PROM1: variants seen among roughly 807,000 people sequenced by gnomAD.
PROM1 encodes the protein prominin 1, also known as prominin-1.
In PROM1, 105 loss-of-function variants were observed where a neutral mutation model predicts 116.9. The ratio of observed to expected loss-of-function variants is 0.90; its 90% CI spans 0.77 to 1.06. The LOEUF is 1.06. Among genes scored for constraint, PROM1 ranks in the 50% least tolerant of loss-of-function variants. The probability of loss-of-function intolerance (pLI) is 0.00; values close to 1 mark genes in which losing one functional copy is unlikely to be tolerated. For synonymous variants in PROM1, 393 were observed against 387.0 expected (o/e 1.02, Z -0.18); for missense variants, 1,122 against 1,045.2 (o/e 1.07, Z -1.01).
At chr4:15,979,936 AT>A (rs1717334859) in intron 24 of PROM1, 32 bp from the exon 25 acceptor site, 4 of 1,271,836 alleles carry the variant, frequency 3.1e-6, no homozygotes, top group Middle Eastern at 1.9e-4. Flanking sequence ...GATAAAATTA[AT>A]TTTTTTAATT....
intron 2 of PROM1, among the ~76,000 whole-genome samples, chr4:16,052,672 G>A (rs1400199107): frequency 6.6e-6 from 1 of 152,178 alleles, no homozygotes; most frequent in African/African-American, 2.4e-5. Flanking sequence ...CTAGAAACGA[G>A]GCTTTGCCGT....
intron 2 of PROM1, among the ~76,000 whole-genome samples, chr4:16,056,666 G>A (rs1047636692): frequency 1.7e-4 from 26 of 151,810 alleles, no homozygotes; most frequent in African/African-American, 5.3e-4. Flanking sequence ...AAAAAAAATC[G>A]AAAGAAGAAA....
intron 2 of PROM1, among the ~76,000 whole-genome samples, chr4:16,069,964 G>A (rs1742432230): frequency 6.6e-6 from 1 of 152,190 alleles, no homozygotes; most frequent in East Asian, 1.9e-4. Context: ...GGCCACCTGC[G>A]ATTGGCTGAA....
At chr4:16,030,532 T>C (rs1224357970) in intron 5 of PROM1, among the ~76,000 whole-genome samples, 3 of 152,172 alleles carry the variant, frequency 2.0e-5, no homozygotes, top group Admixed American at 6.5e-5. Context: ...AAAACATATA[T>C]TGATTTGATA....
Position 16,024,049 on chromosome 4 carries a change from AAT to A in PROM1, c.694+244_694+245del, listed in dbSNP as rs1378670547. 4.6e-5 allele frequency among the ~76,000 whole-genome samples: 7 copies of A among 152,346 alleles called. No individual in the cohort carries two copies. The East Asian group carries it at 1.3e-3, about 29-fold the overall frequency. ...GAGAATGAGAGCTTGTGACTGCAAG[AAT>A]GCTAAAGCTTTCCAGTAAGTGTAAA... On this transcript the variant is annotated intron_variant, in intron 7 of 27. Transcript: ENST00000447510.
In PROM1 at chr4:16,016,155, C is replaced by T. The variant is rs1285077805; in HGVS notation, c.1077+11G>A. On this transcript the variant is annotated intron_variant, in intron 10 of 27. Transcript: ENST00000447510. ...ATAAAATCAGTGATTGTATTTTTTCCAAAAGCATACCTGTTGGACCAGGCC... is the reference window on the plus strand; with the variant it reads ...ATAAAATCAGTGATTGTATTTTTTCTAAAAGCATACCTGTTGGACCAGGCC... The T allele has an allele frequency of 2.6e-6, 4 of 1,548,906 alleles. No individual in the cohort carries two copies. Among genetic ancestry groups the T allele is most frequent in the Non-Finnish European group, 3.5e-6 (4 of 1,144,918 alleles).
At chr4:15,970,905 ATAAAATATCT>A in intron 27 of PROM1, 128 bp downstream of exon 27, 1 of 651,464 alleles carries the variant, frequency 1.5e-6, no homozygotes, top group Non-Finnish European at 2.6e-6. Flanking sequence ...GACTGGACAT[ATAAAATATCT>A]TGTCTAATAT....
In PROM1 at chr4:16,016,199, A is replaced by G. The variant is rs1399665646; in HGVS notation, c.1044T>C (p.Val348=). ...CCAGGCCATCCAAATCTGTCCTAAGAACGTTATTAACGTTGTCAAGTTCTG... is the reference window on the plus strand; with the variant it reads ...CCAGGCCATCCAAATCTGTCCTAAGGACGTTATTAACGTTGTCAAGTTCTG... The part of the protein sequence containing the change: ...VDAELDNVNN[V]LRTDLDGLVQ... The change falls in exon 10 of 28, where the codon GTT becomes GTC. Residue 348 remains valine (V), a synonymous_variant. Coordinates refer to ENST00000447510, the MANE Select transcript of PROM1 (RefSeq NM_006017.3). 2 of 1,554,592 alleles carry G rather than the reference A, an allele frequency of 1.3e-6. No homozygotes were observed. Among genetic ancestry groups the G allele is most frequent in the Admixed American group, 3.9e-5 (2 of 51,478 alleles).
At chr4:15,982,154 T>A (rs954985117) in intron 23 of PROM1, among the ~76,000 whole-genome samples, 4 of 152,170 alleles carry the variant, frequency 2.6e-5, no homozygotes, top group African/African-American at 9.7e-5. Context: ...TAAGTTCGAG[T>A]CTGACAATAT....
Position 15,979,901 on chromosome 4 carries a change from A to G in PROM1, c.2493T>C (p.Val831=). 7.1e-7 allele frequency: 1 copy of G among 1,415,578 alleles called. No individual in the cohort carries two copies. The highest frequency in any genetic ancestry group is 9.6e-7 in the Non-Finnish European group (1 of 1,041,898). 87.7% of individuals were successfully genotyped at this position (1,415,578 alleles called of 1,614,324 possible). A position where few individuals can be genotyped will look rare whatever the true frequency, so the allele number is the denominator to read the frequency against. Residue 831 remains valine, a synonymous_variant, in exon 25 of 28, where the codon GTT becomes GTC. Transcript: ENST00000447510. ...RMDSEDVYDD[V]ETIPMKNMEN... ...CTTACTTTTTCATGGGTATAGTTTC[A>G]ACACTATAAAATACAAAAAAGGGAG...
intron 20 of PROM1, among the ~76,000 whole-genome samples, chr4:15,986,506 G>A (rs896169100): frequency 6.6e-6 from 1 of 152,110 alleles, no homozygotes; most frequent in Non-Finnish European, 1.5e-5. Flanking sequence ...GTGCAAATTG[G>A]AAATGGGGCC....
intron 15 of PROM1, 29 bp from the exon 16 acceptor site, chr4:15,994,100 C>G (rs1721727317): frequency 6.2e-7 from 1 of 1,612,830 alleles, no homozygotes; most frequent in Non-Finnish European, 8.5e-7. Context: ...AAATTAGGAC[C>G]TAGAAAAGCT....
intron 2 of PROM1, among the ~76,000 whole-genome samples, chr4:16,040,954 A>T (rs1315579164): frequency 2.0e-5 from 3 of 152,184 alleles, no homozygotes; most frequent in African/African-American, 7.2e-5. Flanking sequence ...TCTTCTGGGG[A>T]ACTGCTTCTT....
chr4:16,042,790 C>T (rs1735642024), intron 2 of PROM1, among the ~76,000 whole-genome samples: 1 of 152,158 alleles, frequency 6.6e-6, no homozygotes, highest in Non-Finnish European at 1.5e-5. Context: ...GTACTGCTCT[C>T]TTTTACAACT....
At chr4:16,009,172 G>A in intron 11 of PROM1, 64 bp from the exon 12 acceptor site, 2 of 1,430,744 alleles carry the variant, frequency 1.4e-6, no homozygotes, top group Non-Finnish European at 1.9e-6. Flanking sequence ...CTTTGTTTTG[G>A]AACCAAACAG....
chr4:16,041,505 C>T (rs575585152), intron 2 of PROM1, among the ~76,000 whole-genome samples: 84 of 152,160 alleles, frequency 5.5e-4, no homozygotes, highest in Non-Finnish European at 1.0e-3. Context: ...TGGCCAGGCA[C>T]AGTGGCTCAC....
chr4:16,068,896 A>T (rs1189965851), intron 2 of PROM1, among the ~76,000 whole-genome samples: 2 of 152,128 alleles, frequency 1.3e-5, no homozygotes, highest in East Asian at 3.9e-4. Context: ...AGAATCACCT[A>T]AAATATTTTT....
At chr4:16,023,795 C>G (rs183245931) in intron 7 of PROM1, among the ~76,000 whole-genome samples, 4 of 152,320 alleles carry the variant, frequency 2.6e-5, no homozygotes, top group Non-Finnish European at 5.9e-5. Context: ...GTTGGTAGCA[C>G]TGTCCCCACC....
At chr4:16,014,055 C>T (rs1334572920) in intron 10 of PROM1, among the ~76,000 whole-genome samples, 2 of 152,126 alleles carry the variant, frequency 1.3e-5, no homozygotes, top group African/African-American at 4.8e-5. Context: ...GGGCTAAACC[C>T]CCCATGAGAG....
Sources: allele counts gnomAD v4.1 joint callset (sites outside exome capture counted in the v4.1 genomes callset), GRCh38; gene constraint gnomAD v4.1.1; transcripts MANE v1.5; gene names NCBI Gene and HGNC (gene_info 2026-07-23, HGNC 2026-07-21).